The following FHAD1 variants were observed in gnomAD, a reference collection of about 807,000 sequenced individuals.
FHAD1 encodes forkhead associated phosphopeptide binding domain 1.
In FHAD1, 146 loss-of-function variants were observed where a neutral mutation model predicts 191.3. The ratio of observed to expected loss-of-function variants is 0.76; its 90% confidence interval spans 0.67 to 0.88. FHAD1 has a LOEUF of 0.88. FHAD1 is among the 40% of genes least tolerant of loss of function. FHAD1 has a pLI of 0.00. For missense variants in FHAD1, 1,635 were observed against 1,785.8 expected (o/e 0.92, Z 1.52); for synonymous variants, 616 against 672.3 (o/e 0.92, Z 1.29).
intron 2 of FHAD1, 22 bp from the exon 3 acceptor site, chr1:15,272,301 C>T (rs1356005351): frequency 6.5e-7 from 1 of 1,542,730 alleles, no homozygotes; most frequent in Non-Finnish European, 8.8e-7. Flanking sequence ...ATGGCTACGA[C>T]TGTCCTCCTT....
At position 15,250,271 on chromosome 1, in the gene FHAD1, G is replaced by A. The variant is rs1335930573; in HGVS notation, c.-14-1500G>A. The stretch of plus-strand genomic sequence containing the variant: ...ATCTCAAATCGGATTCAAGCATCGA[G>A]ATGAATTACTGTCAATATTTTAGAA... On this transcript the variant is annotated intron_variant, in intron 1 of 33. Transcript: ENST00000688493. Among the ~76,000 whole-genome samples the A allele has an allele frequency of 3.3e-5, 5 of 152,246 alleles. No individual in the cohort carries two copies. In the South Asian group the frequency reaches 8.3e-4, roughly 25 times the overall value.
At position 15,278,475 on chromosome 1, in the gene FHAD1, CT is replaced by C. The variant is rs34110532; in HGVS notation, c.300+5962del. On this transcript the variant is annotated intron_variant, in intron 3 of 33. Transcript: ENST00000688493. ...ACGCTTTGAACAGTCTTCATTACCT[CT>C]TTTTTTTTTTTTTTTGAGACGGAGT... Among the ~76,000 whole-genome samples, 177 of 124,306 alleles carry C rather than the reference CT, an allele frequency of 1.4e-3. 1 individual carries two copies. The highest frequency in any genetic ancestry group is 1.5e-3 in the Non-Finnish European group (93 of 61,700). 81.5% of individuals were successfully genotyped at this position (124,306 alleles called of 152,430 possible). A position where few individuals can be genotyped will look rare whatever the true frequency, so the allele number is the denominator to read the frequency against.
rs1486027289 is a variant in FHAD1 at position 15,341,800 on chromosome 1, T to C, written c.2042T>C (p.Leu681Pro). ...SLLQEKLREH[L>P]AEKEKLNEER... ...CTGCAGGAAAAGCTGCGGGAGCATC[T>C]GGCAGAGAAGGAGAAGCTGAACGAG... The change falls in exon 16 of 34, where the codon CTG (leucine) becomes CCG (proline). Residue 681 changes from leucine to proline, a missense_variant. Leu to Pro is a moderately conservative substitution (Grantham distance 98). Coordinates refer to ENST00000688493, the MANE Select transcript of FHAD1 (RefSeq NM_001391957.1). 5.2e-6 allele frequency: 8 copies of C among 1,551,792 alleles called. No homozygotes were observed. Among genetic ancestry groups the C allele is most frequent in the Non-Finnish European group, 7.0e-6 (8 of 1,146,970 alleles).
In FHAD1 at chr1:15,349,103, A is replaced by C. The variant is rs1231357685; in HGVS notation, c.2408A>C (p.Lys803Thr). Residue 803 changes from lysine (K) to threonine (T), a missense_variant, in exon 19 of 34, where the codon AAG becomes ACG. Coordinates refer to ENST00000688493, the MANE Select transcript of FHAD1 (RefSeq NM_001391957.1). ...RKAKEALESE[K>T]RKVQDLENHL... ...GCAAAGGAAGCCTTGGAGTCGGAAA[A>C]GAGAAAAGTTCAGGATCTGGAGAAC... The C allele has an allele frequency of 6.4e-7, 1 of 1,551,590 alleles. No homozygotes were observed. The highest frequency in any genetic ancestry group is 8.7e-7 in the Non-Finnish European group (1 of 1,146,986).
At chr1:15,377,558 C>A (rs1699954038) in intron 28 of FHAD1, among the ~76,000 whole-genome samples, 1 of 152,214 alleles carries the variant, frequency 6.6e-6, no homozygotes, top group Non-Finnish European at 1.5e-5. Context: ...GATAAAGGGG[C>A]CAAGCACAGT....
At chr1:15,309,094 G>C (rs72864844) in intron 7 of FHAD1, among the ~76,000 whole-genome samples, 6,365 of 152,324 alleles carry the variant, frequency 0.042, 399 homozygotes, top group African/African-American at 0.13. Flanking sequence ...ATGCAAACTA[G>C]AATGTGGCTA....
chr1:15,345,336 A>G (rs1688458998), intron 17 of FHAD1, 80 bp from the exon 18 acceptor site: 9 of 1,415,150 alleles, frequency 6.4e-6, no homozygotes, highest in Non-Finnish European at 2.0e-6. Flanking sequence ...TGGAGGGAAG[A>G]GGAAACCTGT....
chr1:15,366,355 G>A (rs965231464), intron 24 of FHAD1, among the ~76,000 whole-genome samples: 5 of 149,704 alleles, frequency 3.3e-5, no homozygotes, highest in Non-Finnish European at 5.9e-5. Flanking sequence ...CTGTGCTGTC[G>A]CAGCACCTTT....
chr1:15,367,689 G>C, intron 25 of FHAD1, 67 bp downstream of exon 25: 2 of 1,313,486 alleles, frequency 1.5e-6, no homozygotes, highest in Non-Finnish European at 1.0e-6. Flanking sequence ...GAGTATTGCA[G>C]AGAGAGGGCT....
Position 15,338,260 on chromosome 1 carries a change from G to A in FHAD1, c.1907-1221G>A, listed in dbSNP as rs1490180253. Among the ~76,000 whole-genome samples, 5 of 152,188 alleles carry A rather than the reference G, an allele frequency of 3.3e-5. No homozygotes were observed. The South Asian group carries it at 6.2e-4, about 19-fold the overall frequency. On this transcript the variant is annotated intron_variant, in intron 14 of 33. Coordinates refer to ENST00000688493, the MANE Select transcript of FHAD1 (RefSeq NM_001391957.1). ...TTCAGGATTAATTCAGTTTCACTGG[G>A]CTAAAGTTCCTTCCGGAGGCTCTAG... is the stretch of plus-strand genomic sequence containing the variant.
At chr1:15,346,333 G>A (rs1349941434) in intron 18 of FHAD1, among the ~76,000 whole-genome samples, 1 of 152,150 alleles carries the variant, frequency 6.6e-6, no homozygotes, top group Non-Finnish European at 1.5e-5. Flanking sequence ...CAGATTTCCA[G>A]CCTCTCCCGA....
At chr1:15,245,571 C>T (rs1385160129), upstream of FHAD1, among the ~76,000 whole-genome samples, 1 of 152,172 alleles carries the variant, frequency 6.6e-6, no homozygotes, top group African/African-American at 2.4e-5. Flanking sequence ...GTGTGGGAAG[C>T]TGAGCTTGAC....
In FHAD1 at chr1:15,316,605, C is replaced by T; in HGVS notation, c.1260+138C>T. The T allele has an allele frequency of 1.3e-6, 1 of 741,366 alleles. No individual in the cohort carries two copies. The highest frequency in any genetic ancestry group is 2.2e-6 in the Non-Finnish European group (1 of 453,952). 45.9% of individuals were successfully genotyped at this position (741,366 alleles called of 1,614,324 possible). A position where few individuals can be genotyped will look rare whatever the true frequency, so the allele number is the denominator to read the frequency against. ...TTGCTTGTTTAACATAGTCTCATTG[C>T]TCTTTGATCTGCTGCTTCTGCAAGA... On this transcript the variant is annotated intron_variant, in intron 9 of 33. Coordinates refer to ENST00000688493, the MANE Select transcript of FHAD1 (RefSeq NM_001391957.1). This position sits in a 1 kb window ranked among gnomAD's most constrained non-coding sequence, Gnocchi z 4.3.
intron 2 of FHAD1, among the ~76,000 whole-genome samples, chr1:15,253,148 C>CTGTGTG (rs5772631): frequency 0.047 from 6,851 of 146,046 alleles, 216 homozygotes; most frequent in African/African-American, 0.079. Flanking sequence ...GACATAAGTG[C>CTGTGTG]TGTGTGTGTG....
intron 1 of FHAD1, among the ~76,000 whole-genome samples, chr1:15,239,705 C>G (rs1009357836): frequency 1.3e-5 from 2 of 152,242 alleles, no homozygotes; most frequent in Admixed American, 6.5e-5. Flanking sequence ...AACAGTGATT[C>G]TGACATGGGG....
chr1:15,357,212 G>T (rs1693093153), intron 20 of FHAD1, among the ~76,000 whole-genome samples: 1 of 152,172 alleles, frequency 6.6e-6, no homozygotes, highest in South Asian at 2.1e-4. Flanking sequence ...CCAGTACTTT[G>T]AATATATTTT....
At chr1:15,332,444 A>C (rs1682080433) in intron 14 of FHAD1, among the ~76,000 whole-genome samples, 1 of 152,192 alleles carries the variant, frequency 6.6e-6, no homozygotes, top group African/African-American at 2.4e-5. Flanking sequence ...GTAGTGGCTC[A>C]TGCCTGTGAT....
rs962612649 is a variant in FHAD1, at chr1:15,395,239, G to A, written c.4324-2058G>A. 4.0e-5 allele frequency among the ~76,000 whole-genome samples: 6 copies of A among 151,546 alleles called. No homozygotes were observed. The South Asian group carries it at 6.3e-4, about 16-fold the overall frequency. On this transcript the variant is annotated intron_variant, in intron 33 of 33. Coordinates refer to ENST00000688493, the MANE Select transcript of FHAD1 (RefSeq NM_001391957.1). ...TGAGGCAGGAGAATGGCGTGAACCCGGGAGGCGGAGGTGAGCAGAGATCAC... is the reference window on the plus strand; with the variant it reads ...TGAGGCAGGAGAATGGCGTGAACCCAGGAGGCGGAGGTGAGCAGAGATCAC...
At chr1:15,363,830 A>T in intron 23 of FHAD1, 1 of 454,938 alleles carries the variant, frequency 2.2e-6, no homozygotes, top group South Asian at 1.6e-5. Context: ...GCAGCACGTA[A>T]AGAAGGAGGC....
Sources: gnomAD v4.1 joint callset for allele counts (sites outside exome capture counted in the v4.1 genomes callset) on GRCh38, gnomAD v4.1.1 for gene constraint, Gnocchi (gnomAD v3.1) non-coding constraint, MANE v1.5 for transcripts, NCBI Gene and HGNC (gene_info 2026-07-23, HGNC 2026-07-21) for gene names.